Variants in VRTN observed in about 807,000 individuals in gnomAD.
VRTN encodes vertebrae development associated.
A neutral mutation model predicts 18.2 loss-of-function variants in VRTN; 5 were observed. The observed-to-expected ratio is 0.27, with a 90% CI of 0.14 to 0.58. The LOEUF is 0.58. Ranked by LOEUF, VRTN falls within the 20% of genes least tolerant of loss-of-function variation. The pLI is 0.91. For synonymous variants in VRTN, 381 were observed against 393.7 expected, an observed-to-expected ratio of 0.97 and a Z score of 0.38; for missense variants, 741 against 939.4, an observed-to-expected ratio of 0.79 and a Z score of 2.76.
intron 1 of VRTN, among the ~76,000 whole-genome samples, chr14:74,331,378 A>G (rs2085522108): frequency 6.7e-6 from 1 of 150,250 alleles, no homozygotes; most frequent in Non-Finnish European, 1.5e-5. Context: ...AAACAGAAAA[A>G]ATTAGCCAGG....
intron 1 of VRTN, chr14:74,306,172 A>ATATATAT (rs1303177798): frequency 1.1e-4 from 8 of 75,634 alleles, no homozygotes; most frequent in African/African-American, 3.3e-4. Context: ...ATATATATAT[A>ATATATAT]TTTTTTTTTT....
intron 1 of VRTN, among the ~76,000 whole-genome samples, chr14:74,350,954 C>G (rs906461691): frequency 1.3e-5 from 2 of 152,192 alleles, no homozygotes; most frequent in African/African-American, 4.8e-5. Context: ...CACACAGCTT[C>G]AGTATATTGT....
At chr14:74,344,042 C>G (rs1236307620), upstream of VRTN, among the ~76,000 whole-genome samples, 2 of 150,710 alleles carry the variant, frequency 1.3e-5, no homozygotes, top group East Asian at 3.9e-4. Flanking sequence ...AAGTAATCCA[C>G]CTGCCTCAGC....
At chr14:74,313,962 C>G (rs1457063146) in intron 1 of VRTN, among the ~76,000 whole-genome samples, 33 of 151,994 alleles carry the variant, frequency 2.2e-4, no homozygotes, top group Admixed American at 2.0e-3. Flanking sequence ...ACAGCTGGAG[C>G]CTTTATATTA....
At position 74,322,331 on chromosome 14, in the gene VRTN, A is replaced by T. The variant is rs192327067; in HGVS notation, c.-163-15392A>T. ...GGTCCAGCTAATTTTTATATTTTTT[A>T]TAGAGATGGGGTCTCACTGTGTTGC... is the stretch of plus-strand genomic sequence containing the variant. On this transcript the variant is annotated intron_variant, in intron 1 of 2. Transcript: ENST00000557177. 3.9e-3 allele frequency among the ~76,000 whole-genome samples: 598 copies of T among 151,750 alleles called. 4 individuals carry two copies. Among genetic ancestry groups the T allele is most frequent in the African/African-American group, 0.014 (568 of 41,388 alleles).
At chr14:74,354,954 C>T (rs1279405593) in intron 1 of VRTN, among the ~76,000 whole-genome samples, 1 of 151,692 alleles carries the variant, frequency 6.6e-6, no homozygotes, top group Non-Finnish European at 1.5e-5. Flanking sequence ...CCAGCCTGGC[C>T]AACATGGTGA....
upstream of VRTN, among the ~76,000 whole-genome samples, chr14:74,344,748 T>TGAAAAAA (rs2085632362): frequency 2.4e-5 from 1 of 42,256 alleles, no homozygotes. Context: ...AAAAAAAAAA[T>TGAAAAAA]GAAAAAAAGA....
At position 74,338,891 on chromosome 14, in the gene VRTN, A is replaced by G. The variant is rs191406206; in HGVS notation, c.-2+1007A>G. Among the ~76,000 whole-genome samples the G allele has an allele frequency of 7.8e-3, 1,187 of 152,108 alleles. 15 individuals are homozygous for G. The highest frequency in any genetic ancestry group is 0.011 in the Non-Finnish European group (763 of 67,998). On this transcript the variant is annotated intron_variant, in intron 2 of 2. Transcript: ENST00000557177. The stretch of plus-strand genomic sequence containing the variant: ...AGGTGTGAGCCACCATGCCCGGCTA[A>G]TTTTTAGATTTTTAGTAGAGATGAG...
chr14:74,331,545 TA>T (rs1160047607), intron 1 of VRTN, among the ~76,000 whole-genome samples: 651 of 7,556 alleles, frequency 0.086, 37 homozygotes, highest in African/African-American at 0.28. Flanking sequence ...AAAAAAATTT[TA>T]TATATATATA....
chr14:74,320,563 CTTTTTTTTTTTTTTTTTTTTTTTTTTTTT>C (rs35884901), intron 1 of VRTN, among the ~76,000 whole-genome samples: 5 of 44,982 alleles, frequency 1.1e-4, no homozygotes, highest in South Asian at 9.5e-4. Context: ...CGCCCGGCCT[CTTTTTTTTTTTTTTTTTTTTTTTTTTTTT>C]TTTTTTTTTT....
At chr14:74,356,006 A>AT (rs949380745) in intron 1 of VRTN, among the ~76,000 whole-genome samples, 1 of 151,410 alleles carries the variant, frequency 6.6e-6, no homozygotes, top group Non-Finnish European at 1.5e-5. Context: ...TAATTTTTGT[A>AT]TTTTTTGTAG....
chr14:74,323,479 G>A (rs1254486246), intron 1 of VRTN, among the ~76,000 whole-genome samples: 1 of 152,000 alleles, frequency 6.6e-6, no homozygotes, highest in Non-Finnish European at 1.5e-5. Flanking sequence ...AGCTACTCAG[G>A]AGGCTGAGGC....
At chr14:74,331,589 T>C (rs186471644) in intron 1 of VRTN, among the ~76,000 whole-genome samples, 4,958 of 114,936 alleles carry the variant, frequency 0.043, 403 homozygotes, top group African/African-American at 0.095. Context: ...TATATATATA[T>C]ACAAAAAAGA....
intron 1 of VRTN, among the ~76,000 whole-genome samples, chr14:74,330,105 C>G (rs2085512125): frequency 1.3e-5 from 2 of 151,916 alleles, no homozygotes; most frequent in South Asian, 4.2e-4. Context: ...GAGCTCCTAA[C>G]CTCAAGTGAT....
chr14:74,334,456 G>A (rs1210163393), intron 1 of VRTN, among the ~76,000 whole-genome samples: 1 of 152,144 alleles, frequency 6.6e-6, no homozygotes, highest in African/African-American at 2.4e-5. Flanking sequence ...ATTGAGCCTA[G>A]GAGGCAGAAG....
At chr14:74,312,253 T>G (rs573354829) in intron 1 of VRTN, among the ~76,000 whole-genome samples, 1 of 152,314 alleles carries the variant, frequency 6.6e-6, no homozygotes, top group South Asian at 2.1e-4. Flanking sequence ...GCAATTAACA[T>G]CTTTGGATAT....
At chr14:74,303,118 A>G (rs1595149059) in exon 1 of VRTN, 3 of 460,962 alleles carry the variant, frequency 6.5e-6, no homozygotes, top group Non-Finnish European at 3.8e-6. Context: ...CAGCGCCCCC[A>G]TATTTTCTGG....
chr14:74,311,043 G>A (rs1430913540), intron 1 of VRTN, among the ~76,000 whole-genome samples: 1 of 152,090 alleles, frequency 6.6e-6, no homozygotes, highest in African/African-American at 2.4e-5. Flanking sequence ...ACATCAGAGG[G>A]TTGTTTCGAG....
At chr14:74,317,737 G>A (rs1415960833) in intron 1 of VRTN, among the ~76,000 whole-genome samples, 1 of 152,160 alleles carries the variant, frequency 6.6e-6, no homozygotes, top group Non-Finnish European at 1.5e-5. Flanking sequence ...GGGAGGTGGA[G>A]GTGGCAGTGA....
Sources: gnomAD v4.1 joint callset for allele counts (sites outside exome capture counted in the v4.1 genomes callset) on GRCh38, gnomAD v4.1.1 for gene constraint, MANE v1.5 for transcripts, NCBI Gene and HGNC (gene_info 2026-07-23, HGNC 2026-07-21) for gene names.